Variants in ANKS1B observed in about 807,000 individuals in gnomAD.
The protein encoded by ANKS1B is ankyrin repeat and sterile alpha motif domain-containing protein 1B.
In ANKS1B, 36 loss-of-function variants were observed where a neutral mutation model predicts 148.3. That is an observed-to-expected ratio of 0.24 (90% CI 0.19 to 0.32). The LOEUF (loss-of-function observed/expected upper bound fraction) is 0.32, where lower values mean the gene tolerates loss of function less well. Ranked by LOEUF, ANKS1B falls within the 10% of genes least tolerant of loss-of-function variation. The pLI, the probability that ANKS1B is intolerant of heterozygous loss-of-function variation, is 1.00. For synonymous variants in ANKS1B, 542 were observed against 560.8 expected, an observed-to-expected ratio of 0.97 and a Z score of 0.47; for missense variants, 1,157 against 1,542.6, an observed-to-expected ratio of 0.75 and a Z score of 4.19.
At chr12:98,955,306 G>A (rs2099860398) in intron 17 of ANKS1B, among the ~76,000 whole-genome samples, 1 of 152,140 alleles carries the variant, frequency 6.6e-6, no homozygotes, top group Non-Finnish European at 1.5e-5. Flanking sequence ...GCTATCTGAG[G>A]GAAGACCTTC....
intron 10 of ANKS1B, among the ~76,000 whole-genome samples, chr12:99,480,752 T>C (rs2096398062): frequency 6.6e-6 from 1 of 151,864 alleles, no homozygotes; most frequent in African/African-American, 2.4e-5. Flanking sequence ...GGTGGTTTAA[T>C]TGAAGAGCTT....
intron 1 of ANKS1B, among the ~76,000 whole-genome samples, chr12:99,945,786 C>A (rs2095045442): frequency 6.6e-6 from 1 of 152,116 alleles, no homozygotes; most frequent in South Asian, 2.1e-4. Flanking sequence ...GAAATGAAGC[C>A]CAGAGAAGAA....
intron 14 of ANKS1B, among the ~76,000 whole-genome samples, chr12:99,239,424 G>T (rs1026458133): frequency 6.6e-6 from 1 of 152,196 alleles, no homozygotes; most frequent in Non-Finnish European, 1.5e-5. Flanking sequence ...TATGTGAAAA[G>T]ACCAAATATA....
chr12:98,855,473 A>G (rs2099562873), intron 17 of ANKS1B, among the ~76,000 whole-genome samples: 1 of 152,248 alleles, frequency 6.6e-6, no homozygotes, highest in Non-Finnish European at 1.5e-5. Flanking sequence ...AAATAGAAGC[A>G]TATTCGGAAA....
chr12:99,972,972 C>T (rs1279902290), intron 1 of ANKS1B, among the ~76,000 whole-genome samples: 1 of 152,140 alleles, frequency 6.6e-6, no homozygotes, highest in African/African-American at 2.4e-5. Flanking sequence ...GCAAGTGGCA[C>T]AACAAAGCCT....
intron 17 of ANKS1B, among the ~76,000 whole-genome samples, chr12:98,965,942 A>C (rs2099877467): frequency 6.6e-6 from 1 of 152,162 alleles, no homozygotes; most frequent in Non-Finnish European, 1.5e-5. Flanking sequence ...TACCATAAAA[A>C]CCCTAGAAGA....
chr12:98,818,406 T>C (rs1294549237), intron 19 of ANKS1B, among the ~76,000 whole-genome samples: 1 of 152,222 alleles, frequency 6.6e-6, no homozygotes, highest in Non-Finnish European at 1.5e-5. Flanking sequence ...CAATTGTTTA[T>C]GAAATCCCTT....
At chr12:99,179,404 G>A (rs967122038) in intron 14 of ANKS1B, among the ~76,000 whole-genome samples, 2 of 136,002 alleles carry the variant, frequency 1.5e-5, no homozygotes, top group Admixed American at 8.2e-5. Context: ...ACTCCGGCCT[G>A]GGTGACACAG....
chr12:99,955,172 T>C (rs1234928836), intron 1 of ANKS1B, among the ~76,000 whole-genome samples: 1 of 152,144 alleles, frequency 6.6e-6, no homozygotes, highest in East Asian at 1.9e-4. Context: ...ACTTGAGTCT[T>C]TGCACGGTCT....
intron 17 of ANKS1B, among the ~76,000 whole-genome samples, chr12:98,842,676 A>G (rs2099413984): frequency 6.6e-6 from 1 of 152,194 alleles, no homozygotes; most frequent in African/African-American, 2.4e-5. Context: ...TGAAGGCTGT[A>G]ATCCAGGCTG....
chr12:99,290,688 T>C (rs773868973), intron 12 of ANKS1B, among the ~76,000 whole-genome samples: 3 of 152,078 alleles, frequency 2.0e-5, no homozygotes, highest in Non-Finnish European at 2.9e-5. Flanking sequence ...ATCACTTCAA[T>C]AGATGCTGAA....
intron 21 of ANKS1B, among the ~76,000 whole-genome samples, chr12:98,799,711 G>GC (rs1206132226): frequency 2.6e-5 from 4 of 152,064 alleles, no homozygotes; most frequent in Non-Finnish European, 5.9e-5. Flanking sequence ...GGTACAAAAT[G>GC]CCCCTCGTGC....
chr12:99,387,820 C>A (rs1274616749), intron 12 of ANKS1B, among the ~76,000 whole-genome samples: 2 of 151,858 alleles, frequency 1.3e-5, no homozygotes, highest in Non-Finnish European at 2.9e-5. Flanking sequence ...TTATAACAGC[C>A]CGAATGAACT....
chr12:99,107,462 A>T (rs1330624625), intron 15 of ANKS1B, among the ~76,000 whole-genome samples: 2 of 152,234 alleles, frequency 1.3e-5, no homozygotes, highest in Non-Finnish European at 2.9e-5. Context: ...ACAGCCTGTA[A>T]CATCACAAGG....
intron 1 of ANKS1B, among the ~76,000 whole-genome samples, chr12:99,966,498 T>C (rs992732456): frequency 6.6e-6 from 1 of 152,200 alleles, no homozygotes; most frequent in Non-Finnish European, 1.5e-5. Context: ...ATCTGATGTA[T>C]GATGGGAGAT....
chr12:99,818,422 GACC>G (rs1375560582), intron 2 of ANKS1B, among the ~76,000 whole-genome samples: 1 of 151,668 alleles, frequency 6.6e-6, no homozygotes, highest in Non-Finnish European at 1.5e-5. Flanking sequence ...ATATCACCTG[GACC>G]ACAATAACTT....
At position 98,765,907 on chromosome 12, in the gene ANKS1B, G is replaced by A. The variant is rs182506944; in HGVS notation, c.3579+7135C>T. The stretch of plus-strand genomic sequence containing the variant: ...ATCGTGCCTGGCCCATGGCATTCTC[G>A]CCCAAACTATGAAGCTAAGAGTGCA... On this transcript the variant is annotated intron_variant, in intron 25 of 26. Coordinates refer to ENST00000683438, the MANE Select transcript of ANKS1B (RefSeq NM_001352186.2). Among the ~76,000 whole-genome samples the A allele has an allele frequency of 2.2e-4, 33 of 152,238 alleles. No homozygotes were observed. In the South Asian group the frequency reaches 4.6e-3, roughly 21 times the overall value.
intron 12 of ANKS1B, among the ~76,000 whole-genome samples, chr12:99,255,294 T>C (rs1036769913): frequency 1.3e-5 from 2 of 152,110 alleles, no homozygotes; most frequent in Non-Finnish European, 1.5e-5. Context: ...TCATTCTTCT[T>C]TCTTAACTTT....
chr12:98,982,011 T>G (rs940682622), intron 17 of ANKS1B, among the ~76,000 whole-genome samples: 1 of 152,180 alleles, frequency 6.6e-6, no homozygotes, highest in Non-Finnish European at 1.5e-5. Context: ...AGATGGAGTA[T>G]GTTGTTGCAG....
Sources: allele counts gnomAD v4.1 joint callset (sites outside exome capture counted in the v4.1 genomes callset), GRCh38; gene constraint gnomAD v4.1.1; transcripts MANE v1.5; gene names NCBI Gene and HGNC (gene_info 2026-07-23, HGNC 2026-07-21).